PCDHGA3: variants seen among roughly 807,000 people sequenced by gnomAD.
The protein encoded by PCDHGA3 is protocadherin gamma-A3.
Under a neutral mutation model 58.5 loss-of-function variants are expected in PCDHGA3, and 40 were observed. That is an observed-to-expected ratio of 0.68 (90% confidence interval 0.53 to 0.89). PCDHGA3 has a LOEUF of 0.89. Ranked by LOEUF, PCDHGA3 falls within the 40% of genes least tolerant of loss-of-function variation. The pLI is 0.00. For missense variants in PCDHGA3, 1,223 were observed against 1,195.9 expected (o/e 1.02, Z -0.33); for synonymous variants, 530 against 525.7 (o/e 1.01, Z -0.11).
chr5:141,387,037 A>G (rs2090794833), intron 1 of PCDHGA3, among the ~76,000 whole-genome samples: 1 of 152,258 alleles, frequency 6.6e-6, no homozygotes, highest in Non-Finnish European at 1.5e-5. Flanking sequence ...TTTCATAACC[A>G]GTAAAATAAT....
chr5:141,469,676 A>G (rs1227075639), intron 1 of PCDHGA3, among the ~76,000 whole-genome samples: 1 of 152,250 alleles, frequency 6.6e-6, no homozygotes, highest in African/African-American at 2.4e-5. Context: ...ATAAAACTAC[A>G]TATGCATTGG....
At chr5:141,422,005 A>T in intron 1 of PCDHGA3, 1 of 1,609,814 alleles carries the variant, frequency 6.2e-7, no homozygotes, top group East Asian at 2.2e-5. Flanking sequence ...CAGCTCCGGA[A>T]CTCGGGTGCT....
chr5:141,364,414 CG>C, intron 1 of PCDHGA3: 1 of 1,612,330 alleles, frequency 6.2e-7, no homozygotes, highest in Non-Finnish European at 8.5e-7. Flanking sequence ...AGCCAGGATC[CG>C]GGCAGATCCG....
intron 1 of PCDHGA3, chr5:141,422,092 G>C: frequency 6.2e-7 from 1 of 1,611,520 alleles, no homozygotes; most frequent in Non-Finnish European, 8.5e-7. Flanking sequence ...GGAAAGCAAG[G>C]CTTCTGAAAT....
chr5:141,354,876 A>C (rs1158598326), intron 1 of PCDHGA3: 3 of 369,812 alleles, frequency 8.1e-6, no homozygotes, highest in Non-Finnish European at 1.4e-5. Flanking sequence ...CAGGAATTTG[A>C]CTTTATTATC....
In PCDHGA3 at chr5:141,356,785, C is replaced by A. The variant is rs377527999; in HGVS notation, c.2424+10328C>A. 55 of 1,613,962 alleles carry A rather than the reference C, an allele frequency of 3.4e-5. No individual in the cohort carries two copies. The highest frequency in any genetic ancestry group is 6.7e-5 in the Admixed American group (4 of 60,030). On this transcript the variant is annotated intron_variant, in intron 1 of 3. Transcript: ENST00000253812. The stretch of plus-strand genomic sequence containing the variant: ...CGACTATGAGCAGTTTAGAGACCTG[C>A]AGCTGCTGATGACAGCCAGTGACAG...
chr5:141,427,320 G>A (rs920149276), intron 1 of PCDHGA3: 5 of 456,968 alleles, frequency 1.1e-5, no homozygotes, highest in Non-Finnish European at 1.8e-5. Context: ...CCCAGACGTG[G>A]TTTTTACTTC....
At position 141,489,157 on chromosome 5, in the gene PCDHGA3, C is replaced by A. The variant is rs1222682069; in HGVS notation, c.2425-5650C>A. 1.0e-6 allele frequency: 1 copy of A among 984,444 alleles called. No homozygotes were observed. The highest frequency in any genetic ancestry group is 1.6e-5 in the African/African-American group (1 of 61,296). The allele number at this position is 984,444 out of a possible 1,614,324, so 61.0% of individuals were successfully genotyped here. On this transcript the variant is annotated intron_variant, in intron 1 of 3. Coordinates refer to ENST00000253812, the MANE Select transcript of PCDHGA3 (RefSeq NM_018916.4). This position sits in a 1 kb window ranked among gnomAD's most constrained non-coding sequence, Gnocchi z 4.5. ...AGAGGCTGGAAGGAGACATAAGAGA[C>A]TTCAGCTGCTGCATTCCAAGCCCTG...
At chr5:141,484,620 C>G (rs536622819) in intron 1 of PCDHGA3, among the ~76,000 whole-genome samples, 25 of 151,974 alleles carry the variant, frequency 1.6e-4, no homozygotes, top group African/African-American at 6.0e-4. Flanking sequence ...ACAACACTGG[C>G]TTGAACAAAG....
intron 1 of PCDHGA3, chr5:141,364,629 CACT>C: frequency 6.2e-7 from 1 of 1,614,142 alleles, no homozygotes; most frequent in Non-Finnish European, 8.5e-7. Context: ...GCTCAGAGCC[CACT>C]GTGTGTGGTG....
At chr5:141,400,064 G>A in intron 1 of PCDHGA3, 1 of 1,613,770 alleles carries the variant, frequency 6.2e-7, no homozygotes, top group Non-Finnish European at 8.5e-7. Context: ...CGTGATGGTG[G>A]ACAGCCGCCA....
intron 1 of PCDHGA3, chr5:141,419,732 G>A (rs2096422854): frequency 6.2e-7 from 1 of 1,613,792 alleles, no homozygotes; most frequent in Non-Finnish European, 8.5e-7. Flanking sequence ...GCGAACAGGC[G>A]AGGTGCGCAT....
chr5:141,362,346 T>A, intron 1 of PCDHGA3: 1 of 1,614,088 alleles, frequency 6.2e-7, no homozygotes, highest in Non-Finnish European at 8.5e-7. Flanking sequence ...AGCCTGGACC[T>A]GGGGTTCTCC....
Position 141,431,581 on chromosome 5 carries a change from T to A in PCDHGA3, c.2425-63226T>A, listed in dbSNP as rs749863807. Reference sequence around the variant, plus strand: ...CTACCGACCCTGACGAAGGAGTCAATGCGGAAGTGAGGTATTCCTTCCGGT... The same window carrying A: ...CTACCGACCCTGACGAAGGAGTCAAAGCGGAAGTGAGGTATTCCTTCCGGT... On this transcript the variant is annotated intron_variant, in intron 1 of 3. Coordinates refer to ENST00000253812, the MANE Select transcript of PCDHGA3 (RefSeq NM_018916.4). This position sits in a 1 kb window ranked among gnomAD's most constrained non-coding sequence, Gnocchi z 4.8. 3.1e-6 allele frequency: 5 copies of A among 1,614,160 alleles called. No individual in the cohort carries two copies. In the South Asian group the frequency reaches 5.5e-5, roughly 18 times the overall value.
rs746913952 is a variant in PCDHGA3, at chr5:141,432,898, G to T, written c.2425-61909G>T. 2.5e-6 allele frequency: 4 copies of T among 1,614,174 alleles called. No individual in the cohort carries two copies. Among genetic ancestry groups the T allele is most frequent in the Admixed American group, 3.3e-5 (2 of 60,034 alleles). ...TGGCCTTCGTCATCTTGCTGCTGGC[G>T]CTCAGGCTGCGGCGCTGGCACAAGT... On this transcript the variant is annotated intron_variant, in intron 1 of 3. Coordinates refer to ENST00000253812, the MANE Select transcript of PCDHGA3 (RefSeq NM_018916.4). The surrounding 1 kb of genome is among the most constrained non-coding windows in gnomAD (Gnocchi z 6.0).
chr5:141,455,897 T>C (rs1330516646), intron 1 of PCDHGA3, among the ~76,000 whole-genome samples: 1 of 149,800 alleles, frequency 6.7e-6, no homozygotes, highest in African/African-American at 2.4e-5. Flanking sequence ...ATTTATTTAT[T>C]TATTTATTTA....
At position 141,432,999 on chromosome 5, in the gene PCDHGA3, A is replaced by G. The variant is rs745921704; in HGVS notation, c.2425-61808A>G. The G allele has an allele frequency of 1.1e-5, 17 of 1,614,046 alleles. No individual in the cohort carries two copies. Among genetic ancestry groups the G allele is most frequent in the East Asian group, 4.5e-5 (2 of 44,862 alleles). On this transcript the variant is annotated intron_variant, in intron 1 of 3. Coordinates refer to ENST00000253812, the MANE Select transcript of PCDHGA3 (RefSeq NM_018916.4). This position sits in a 1 kb window ranked among gnomAD's most constrained non-coding sequence, Gnocchi z 6.0. ...CACTTTGTGGGCGTGGACGGGGTGC[A>G]GGCTTTCCTGCAGACCTATTCCCAC...
chr5:141,398,584 A>T lies in PCDHGA3; in HGVS notation c.2424+52127A>T, dbSNP rs201021035. On this transcript the variant is annotated intron_variant, in intron 1 of 3. Transcript: ENST00000253812. Reference sequence around the variant, plus strand: ...GTCTGCACAGCCTGGCACAAGATTTATACTAGAAGTAGCAGAAGATGCAGA... The same window carrying T: ...GTCTGCACAGCCTGGCACAAGATTTTTACTAGAAGTAGCAGAAGATGCAGA... 1.9e-6 allele frequency: 3 copies of T among 1,614,066 alleles called. No homozygotes were observed. In the South Asian group the frequency reaches 3.3e-5, roughly 18 times the overall value.
At chr5:141,464,251 C>G (rs1438610569) in intron 1 of PCDHGA3, among the ~76,000 whole-genome samples, 1 of 141,396 alleles carries the variant, frequency 7.1e-6, no homozygotes, top group African/African-American at 2.7e-5. Context: ...GGCTACAGAG[C>G]GAGACTCCGT....
Sources: allele counts gnomAD v4.1 joint callset (sites outside exome capture counted in the v4.1 genomes callset), GRCh38; gene constraint gnomAD v4.1.1; non-coding constraint Gnocchi (gnomAD v3.1); transcripts MANE v1.5; gene names NCBI Gene and HGNC (gene_info 2026-07-23, HGNC 2026-07-21).